The following ITGB2 variants were observed in gnomAD, a reference collection of about 807,000 sequenced individuals.
ITGB2 encodes the protein integrin beta-2.
A neutral mutation model predicts 86.8 loss-of-function variants in ITGB2; 56 were observed. The observed-to-expected ratio is 0.65, with a 90% CI of 0.52 to 0.81. The LOEUF (loss-of-function observed/expected upper bound fraction) is 0.81. ITGB2 is among the 30% of genes least tolerant of loss of function. ITGB2 has a pLI of 0.00. For synonymous variants in ITGB2, 457 were observed against 450.4 expected (o/e 1.01, Z -0.19); for missense variants, 948 against 1,061.2 (o/e 0.89, Z 1.48).
rs186361671 is a variant in ITGB2 at position 44,903,963 on chromosome 21, G to A, written c.329-428C>T. On this transcript the variant is annotated intron_variant, in intron 4 of 15. Transcript: ENST00000652462. ...TGGCACTTCCCAGCAAGGCCCACGC[G>A]GGCCGTCCCCAGGAGGCCCCTTTCT... Among the ~76,000 whole-genome samples, 39 of 152,218 alleles carry A rather than the reference G, an allele frequency of 2.6e-4. No homozygotes were observed. In the East Asian group the frequency reaches 6.6e-3, roughly 26 times the overall value.
rs781443207 is a variant in ITGB2 at position 44,886,931 on chromosome 21, C to T, written c.2081-29G>A. ...GGGAAGAAGCAGCACACCTGAGCGT[C>T]AGTCCAGCCCCATCTCACTGAGCCG... On this transcript the variant is annotated intron_variant, in intron 14 of 15. Transcript: ENST00000652462. 5.6e-6 allele frequency: 9 copies of T among 1,609,172 alleles called. No homozygotes were observed. The Admixed American group carries it at 1.2e-4, about 21-fold the overall frequency.
chr21:44,893,497 G>C lies in ITGB2; in HGVS notation c.1131C>G (p.Thr377=), dbSNP rs766387722. The change falls in exon 10 of 16, where the codon ACC becomes ACG. Residue 377 remains threonine (T), a synonymous_variant. Coordinates refer to ENST00000652462, the MANE Select transcript of ITGB2 (RefSeq NM_000211.5). ...AGAAGGAGTCGTAGGTGACTTTCAG[G>C]GTGTCGGGGAGGGCGTTGTGATCCA... ...VFLDHNALPD[T]LKVTYDSFCS... is the part of the protein sequence containing the mutation. 8.1e-6 allele frequency: 13 copies of C among 1,614,170 alleles called. 1 individual carries two copies. The South Asian group carries it at 1.4e-4, about 18-fold the overall frequency.
rs1010717597 is a variant in ITGB2 at position 44,886,255 on chromosome 21, A to G, written c.*113T>C. 3.7e-6 allele frequency: 4 copies of G among 1,079,912 alleles called. No homozygotes were observed. Among genetic ancestry groups the G allele is most frequent in the East Asian group, 2.4e-5 (1 of 42,110 alleles). 66.9% of individuals were successfully genotyped at this position (1,079,912 alleles called of 1,614,324 possible). A position where few individuals can be genotyped will look rare whatever the true frequency, so the allele number is the denominator to read the frequency against. On this transcript the variant is annotated 3_prime_UTR_variant, in exon 16 of 16. Transcript: ENST00000652462. ...GCTGTCATTTTGAGGGCGGAAAATAACTGGATTTCTGGTTAATTGGTGACA... is the reference window on the plus strand; with the variant it reads ...GCTGTCATTTTGAGGGCGGAAAATAGCTGGATTTCTGGTTAATTGGTGACA...
At chr21:44,899,899 CA>C (rs1272439478) in intron 7 of ITGB2, among the ~76,000 whole-genome samples, 1 of 152,192 alleles carries the variant, frequency 6.6e-6, no homozygotes, top group Non-Finnish European at 1.5e-5. Context: ...GAGGCGGACT[CA>C]GGGGCAGCAG....
Position 44,895,066 on chromosome 21 carries a change from G to C in ITGB2, c.994-6C>G, listed in dbSNP as rs1601292953. 1 of 1,609,368 alleles carries C rather than the reference G, an allele frequency of 6.2e-7. No individual in the cohort carries two copies. Among genetic ancestry groups the C allele is most frequent in the East Asian group, 2.2e-5 (1 of 44,838 alleles). ...GGGATGATCTCGGTGAGTTTCTGTT[G>C]GGCAAGAAGACCAGACATGGCACGG... On this transcript the variant is annotated splice_polypyrimidine_tract_variant and splice_region_variant and intron_variant, in intron 8 of 15. Transcript: ENST00000652462.
chr21:44,908,776 A>C (rs1019708216), intron 3 of ITGB2, among the ~76,000 whole-genome samples: 7 of 152,236 alleles, frequency 4.6e-5, no homozygotes, highest in African/African-American at 1.7e-4. Flanking sequence ...GAGCCGTCAG[A>C]AAACCATCTG....
At position 44,891,889 on chromosome 21, in the gene ITGB2, CTGGGG is replaced by C; in HGVS notation, c.1327_1331del (p.Pro443ValfsTer2). 1 of 1,613,044 alleles carries C rather than the reference CTGGGG, an allele frequency of 6.2e-7. No individual in the cohort carries two copies. Among genetic ancestry groups the C allele is most frequent in the Non-Finnish European group, 8.5e-7 (1 of 1,179,992 alleles). Reference sequence around the variant, plus strand: ...TCTGGTCCCGGCACCGGCACTCACACTGGGGAAGAACCTGCACGGTCACTATGTCC... The same window carrying C: ...TCTGGTCCCGGCACCGGCACTCACACAAGAACCTGCACGGTCACTATGTCC... On this transcript the variant is annotated frameshift_variant, in exon 11 of 16. Coordinates refer to ENST00000652462, the MANE Select transcript of ITGB2 (RefSeq NM_000211.5). LOFTEE classifies it high-confidence loss of function.
At chr21:44,898,867 C>T (rs943332706) in intron 8 of ITGB2, among the ~76,000 whole-genome samples, 200 bp downstream of exon 8, 3 of 152,344 alleles carry the variant, frequency 2.0e-5, no homozygotes, top group Non-Finnish European at 4.4e-5. Flanking sequence ...AGGAATTCCT[C>T]CTCCTATCGA....
intron 3 of ITGB2, among the ~76,000 whole-genome samples, chr21:44,907,814 G>T (rs2084066611): frequency 6.6e-6 from 1 of 152,262 alleles, no homozygotes; most frequent in South Asian, 2.1e-4. Context: ...CCGCAGGCAG[G>T]GGGGCAGGTG....
At chr21:44,887,008 G>C in intron 14 of ITGB2, 106 bp from the exon 15 acceptor site, 1 of 1,382,894 alleles carries the variant, frequency 7.2e-7, no homozygotes, top group Non-Finnish European at 1.0e-6. Flanking sequence ...GAGAGACGGA[G>C]GTTCCCAGGG....
intron 5 of ITGB2, 31 bp from the exon 6 acceptor site, chr21:44,901,764 G>C (rs1245609193): frequency 1.5e-5 from 24 of 1,590,840 alleles, no homozygotes; most frequent in Non-Finnish European, 1.9e-5. Flanking sequence ...CTGGGGAGGT[G>C]GCAGGCTGGG....
chr21:44,900,491 G>A lies in ITGB2; in HGVS notation c.742-16C>T, dbSNP rs755868613. 6.2e-7 allele frequency: 1 copy of A among 1,613,056 alleles called. No individual in the cohort carries two copies. Among genetic ancestry groups the A allele is most frequent in the Non-Finnish European group, 8.5e-7 (1 of 1,179,728 alleles). ...CGATTTCCTCCTGAGAAGAAGGCGTGGGGGGCAGGGTTACCTGCCTCAGTT... is the reference window on the plus strand; with the variant it reads ...CGATTTCCTCCTGAGAAGAAGGCGTAGGGGGCAGGGTTACCTGCCTCAGTT... On this transcript the variant is annotated splice_polypyrimidine_tract_variant and intron_variant, in intron 6 of 15. Transcript: ENST00000652462.
Position 44,900,344 on chromosome 21 carries a change from G to A in ITGB2, c.873C>T (p.Asn291=). ...PNDGRCHLED[N]LYKRSNEFDY... is the part of the protein sequence containing the mutation. The stretch of plus-strand genomic sequence containing the variant: ...CGAATTCGTTGCTCCTCTTGTACAA[G>A]TTGTCCTCCAGGTGACAGCGGCCGT... The change falls in exon 7 of 16, where the codon AAC becomes AAT. Residue 291 remains asparagine (N), a synonymous_variant. Coordinates refer to ENST00000652462, the MANE Select transcript of ITGB2 (RefSeq NM_000211.5). 1 of 1,614,198 alleles carries A rather than the reference G, an allele frequency of 6.2e-7. No individual in the cohort carries two copies. Among genetic ancestry groups the A allele is most frequent in the Non-Finnish European group, 8.5e-7 (1 of 1,180,020 alleles).
chr21:44,915,367 T>C (rs2838735), intron 1 of ITGB2, among the ~76,000 whole-genome samples: 54,809 of 151,956 alleles, frequency 0.36, 10,846 homozygotes, highest in Admixed American at 0.52. Context: ...AAGACGAGAC[T>C]GCTTGAGGAA....
chr21:44,918,315 T>C (rs2084241407), intron 1 of ITGB2, among the ~76,000 whole-genome samples: 2 of 152,192 alleles, frequency 1.3e-5, no homozygotes, highest in Admixed American at 1.3e-4. Flanking sequence ...ACAGGACCTG[T>C]TCCATGGAAT....
intron 1 of ITGB2, among the ~76,000 whole-genome samples, chr21:44,913,399 G>A (rs982904270): frequency 7.9e-5 from 12 of 152,122 alleles, no homozygotes; most frequent in Admixed American, 4.6e-4. Flanking sequence ...CAGTTACCCC[G>A]GGCACTCCCA....
intron 14 of ITGB2, among the ~76,000 whole-genome samples, chr21:44,887,590 C>T (rs1193118657): frequency 6.6e-6 from 1 of 152,120 alleles, no homozygotes; most frequent in Non-Finnish European, 1.5e-5. Flanking sequence ...TGCACCCTCA[C>T]TCCCTGTGCC....
At chr21:44,911,668 T>G (rs2084135584) in intron 1 of ITGB2, among the ~76,000 whole-genome samples, 2 of 152,214 alleles carry the variant, frequency 1.3e-5, no homozygotes, top group South Asian at 4.1e-4. Context: ...CCTGCCCTTT[T>G]GTTTCCAGAT....
chr21:44,909,990 C>G (rs929063812), intron 3 of ITGB2, among the ~76,000 whole-genome samples: 1 of 152,194 alleles, frequency 6.6e-6, no homozygotes, highest in African/African-American at 2.4e-5. Flanking sequence ...TAAGTGAAAA[C>G]CTTGTTCTTA....
Sources: allele counts gnomAD v4.1 joint callset (sites outside exome capture counted in the v4.1 genomes callset), GRCh38; gene constraint gnomAD v4.1.1; transcripts MANE v1.5; gene names NCBI Gene and HGNC (gene_info 2026-07-23, HGNC 2026-07-21).